PCDHGA4: variants seen among roughly 807,000 people sequenced by gnomAD.
The protein encoded by PCDHGA4 is protocadherin gamma-A4.
PCDHGA4 carries 38 observed loss-of-function variants against 54.6 expected under a neutral mutation model. The ratio of observed to expected loss-of-function variants is 0.70; its 90% CI spans 0.54 to 0.91. PCDHGA4 has a LOEUF of 0.91. Ranked by LOEUF, PCDHGA4 falls within the 40% of genes least tolerant of loss-of-function variation. The pLI, the probability that PCDHGA4 is intolerant of heterozygous loss-of-function variation, is 0.00. For missense variants in PCDHGA4, 1,298 were observed against 1,220.9 expected (o/e 1.06, Z -0.94); for synonymous variants, 511 against 512.9 (o/e 1.00, Z 0.05).
chr5:141,389,530 T>C (rs963241883), intron 1 of PCDHGA4: 1 of 1,613,208 alleles, frequency 6.2e-7, no homozygotes, highest in African/African-American at 1.3e-5. Context: ...CTGCGCGTGT[T>C]AGTGGACGAC....
intron 1 of PCDHGA4, among the ~76,000 whole-genome samples, chr5:141,456,276 C>T (rs1319517390): frequency 1.3e-5 from 2 of 152,146 alleles, no homozygotes; most frequent in South Asian, 4.1e-4. Flanking sequence ...CTACTTCCTG[C>T]TGAAAAGGGG....
rs556498014 is a variant in PCDHGA4, at chr5:141,368,537, TC to T, written c.2514+10918del. On this transcript the variant is annotated intron_variant, in intron 1 of 3. Coordinates refer to ENST00000571252, the MANE Select transcript of PCDHGA4 (RefSeq NM_018917.4). ...TCACTCCTATGTGAAAACTTGCTTT[TC>T]CATTTTTTTTAAAAGAAAATGTTAT... Among the ~76,000 whole-genome samples the T allele has an allele frequency of 2.0e-3, 312 of 152,342 alleles. 1 individual carries two copies. Among genetic ancestry groups the T allele is most frequent in the Middle Eastern group, 0.01 (3 of 294 alleles).
intron 1 of PCDHGA4, chr5:141,361,795 G>C (rs750920407): frequency 1.9e-6 from 3 of 1,613,220 alleles, no homozygotes; most frequent in Non-Finnish European, 2.5e-6. Flanking sequence ...GTTAGTGGGC[G>C]ACCTCAATGA....
At chr5:141,418,908 C>A in intron 1 of PCDHGA4, 1 of 1,613,932 alleles carries the variant, frequency 6.2e-7, no homozygotes, top group South Asian at 1.1e-5. Flanking sequence ...ATAATCATCA[C>A]GTCACTCTCT....
At chr5:141,423,360 G>A (rs762976655) in intron 1 of PCDHGA4, 1 of 1,614,224 alleles carries the variant, frequency 6.2e-7, no homozygotes, top group Non-Finnish European at 8.5e-7. Context: ...TTGTCATCGT[G>A]CTGCTGGCAC....
At chr5:141,404,865 T>C (rs1308625182) in intron 1 of PCDHGA4, 12 of 1,613,552 alleles carry the variant, frequency 7.4e-6, no homozygotes, top group Non-Finnish European at 1.0e-5. Flanking sequence ...AGAGATGCGC[T>C]CAAACAGAGC....
chr5:141,412,963 G>A (rs1387713187), intron 1 of PCDHGA4: 2 of 518,110 alleles, frequency 3.9e-6, no homozygotes, highest in South Asian at 3.3e-5. Context: ...TCACCTACTA[G>A]GAGAGAAAAC....
Position 141,490,369 on chromosome 5 carries a change from C to T in PCDHGA4, c.2515-4438C>T, listed in dbSNP as rs201347968. On this transcript the variant is annotated intron_variant, in intron 1 of 3. Transcript: ENST00000571252. This position sits in a 1 kb window ranked among gnomAD's most constrained non-coding sequence, Gnocchi z 5.4. ...AGTGGGGTTGTTTAATGTGCGAGAC[C>T]GGGACTCAGGTAGAAATGGTGAAGT... The T allele has an allele frequency of 4.0e-5, 64 of 1,614,090 alleles. No individual in the cohort carries two copies. In the Admixed American group the frequency reaches 6.0e-4, roughly 15 times the overall value.
chr5:141,445,245 T>C (rs2098460607), intron 1 of PCDHGA4, among the ~76,000 whole-genome samples: 1 of 152,212 alleles, frequency 6.6e-6, no homozygotes, highest in Non-Finnish European at 1.5e-5. Flanking sequence ...TTACACTATA[T>C]TGTGTGAGAA....
At chr5:141,448,887 G>T (rs1160586933) in intron 1 of PCDHGA4, among the ~76,000 whole-genome samples, 1 of 152,172 alleles carries the variant, frequency 6.6e-6, no homozygotes, top group East Asian at 1.9e-4. Flanking sequence ...GGAGCTTGCA[G>T]TGAGCCGAGA....
At chr5:141,484,966 G>A in intron 1 of PCDHGA4, 1 of 583,968 alleles carries the variant, frequency 1.7e-6, no homozygotes. Context: ...GAGCCCGGGA[G>A]CCGCTGTCTG....
chr5:141,502,450 C>T (rs184669731), intron 2 of PCDHGA4, among the ~76,000 whole-genome samples: 3 of 152,010 alleles, frequency 2.0e-5, no homozygotes, highest in Admixed American at 1.3e-4. Context: ...AGATTACACA[C>T]CTTGGTAGGA....
At chr5:141,361,788 A>C in intron 1 of PCDHGA4, 2 of 1,613,154 alleles carry the variant, frequency 1.2e-6, no homozygotes, top group Non-Finnish European at 1.7e-6. Flanking sequence ...TGCGCGTGTT[A>C]GTGGGCGACC....
At chr5:141,430,595 G>T (rs549786394) in intron 1 of PCDHGA4, 3 of 567,018 alleles carry the variant, frequency 5.3e-6, no homozygotes, top group African/African-American at 1.9e-5. Context: ...CCTTGCACGC[G>T]CCTGAAGCAC....
chr5:141,379,798 G>C (rs890822360), intron 1 of PCDHGA4, among the ~76,000 whole-genome samples: 1 of 150,150 alleles, frequency 6.7e-6, no homozygotes, highest in African/African-American at 2.5e-5. Context: ...GCTATCTGAG[G>C]TTTTGAGAGT....
At position 141,476,151 on chromosome 5, in the gene PCDHGA4, G is replaced by A; in HGVS notation, c.2515-18656G>A. Reference sequence around the variant, plus strand: ...GAGGCCTGGAGGAGCGGACTGGTAAGCACCGGGAGGGTAGTGGGAGTTTTG... The same window carrying A: ...GAGGCCTGGAGGAGCGGACTGGTAAACACCGGGAGGGTAGTGGGAGTTTTG... On this transcript the variant is annotated intron_variant, in intron 1 of 3. Transcript: ENST00000571252. This position sits in a 1 kb window ranked among gnomAD's most constrained non-coding sequence, Gnocchi z 7.6. 1 of 1,612,022 alleles carries A rather than the reference G, an allele frequency of 6.2e-7. No individual in the cohort carries two copies. Among genetic ancestry groups the A allele is most frequent in the Admixed American group, 1.7e-5 (1 of 60,014 alleles).
At chr5:141,365,015 C>A (rs773470378) in intron 1 of PCDHGA4, 2 of 1,613,904 alleles carry the variant, frequency 1.2e-6, no homozygotes, top group South Asian at 2.2e-5. Context: ...CACGCACATC[C>A]GTGTTACGGT....
In PCDHGA4 at chr5:141,454,796, A is replaced by ATTTTTTTTTTTTTTTTTTT. The variant is rs61612330; in HGVS notation, c.2515-40000_2515-39982dup. Among the ~76,000 whole-genome samples the ATTTTTTTTTTTTTTTTTTT allele has an allele frequency of 2.8e-4, 22 of 77,458 alleles. 2 individuals are homozygous for ATTTTTTTTTTTTTTTTTTT. Among genetic ancestry groups the ATTTTTTTTTTTTTTTTTTT allele is most frequent in the East Asian group, 4.0e-4 (1 of 2,512 alleles). The allele number at this position is 77,458 out of a possible 152,430, so 50.8% of individuals were successfully genotyped here. The stretch of plus-strand genomic sequence containing the variant: ...AAGGAAATAATCCTCCATGGTTCTA[A>ATTTTTTTTTTTTTTTTTTT]TTTTTTTTTTTTTTTTTTTTTTTTT... On this transcript the variant is annotated intron_variant, in intron 1 of 3. Coordinates refer to ENST00000571252, the MANE Select transcript of PCDHGA4 (RefSeq NM_018917.4).
At chr5:141,457,550 A>G (rs1331411755) in intron 1 of PCDHGA4, among the ~76,000 whole-genome samples, 1 of 152,230 alleles carries the variant, frequency 6.6e-6, no homozygotes, top group Non-Finnish European at 1.5e-5. Flanking sequence ...CAAATGTATG[A>G]TAAGCTTTGG....
Sources: allele counts gnomAD v4.1 joint callset (sites outside exome capture counted in the v4.1 genomes callset), GRCh38; gene constraint gnomAD v4.1.1; non-coding constraint Gnocchi (gnomAD v3.1); transcripts MANE v1.5; gene names NCBI Gene and HGNC (gene_info 2026-07-23, HGNC 2026-07-21).